The following RAD50 variants were observed in gnomAD, a reference collection of about 807,000 sequenced individuals.
RAD50 encodes DNA repair protein RAD50.
Under a neutral mutation model 168.8 loss-of-function variants are expected in RAD50, and 132 were observed. The observed-to-expected ratio is 0.78, with a 90% CI of 0.68 to 0.90. RAD50 has a LOEUF of 0.90. Among genes scored for constraint, RAD50 ranks in the 40% least tolerant of loss-of-function variants. The pLI, the probability that RAD50 is intolerant of heterozygous loss-of-function variation, is 0.00. For synonymous variants in RAD50, 525 were observed against 497.4 expected (o/e 1.06, Z -0.74); for missense variants, 1,347 against 1,534.4 (o/e 0.88, Z 2.04).
chr5:132,575,320 G>T (rs571183704), intron 2 of RAD50, among the ~76,000 whole-genome samples: 1 of 152,250 alleles, frequency 6.6e-6, no homozygotes, highest in East Asian at 1.9e-4. Flanking sequence ...ATCAGGTCTC[G>T]TGAGACTTAC....
Position 132,628,806 on chromosome 5 carries a change from C to T in RAD50, c.3390-8309C>T, listed in dbSNP as rs551158151. 4.0e-5 allele frequency among the ~76,000 whole-genome samples: 6 copies of T among 151,474 alleles called. No homozygotes were observed. In the South Asian group the frequency reaches 1.3e-3, roughly 32 times the overall value. ...AGGTTGCAGTGAGCCAAGATCGTGC[C>T]ATTGTACTCCAGCCTGGGCAACAAG... On this transcript the variant is annotated intron_variant, in intron 21 of 24. Coordinates refer to ENST00000378823, the MANE Select transcript of RAD50 (RefSeq NM_005732.4).
chr5:132,640,722 C>G lies in RAD50; in HGVS notation c.3669C>G (p.Leu1223=), dbSNP rs200496768. 5 of 1,614,212 alleles carry G rather than the reference C, an allele frequency of 3.1e-6. No individual in the cohort carries two copies. Among genetic ancestry groups the G allele is most frequent in the Non-Finnish European group, 4.2e-6 (5 of 1,180,034 alleles). ...IRLALAETFC[L]NCGIIALDEP... ...TGGCCCTGGCTGAAACGTTCTGCCT[C>G]AACTGTGGCATCATTGCCTTGGATG... Residue 1223 remains leucine (L), a synonymous_variant, in exon 24 of 25, where the codon CTC becomes CTG. Transcript: ENST00000378823.
At chr5:132,571,514 T>C (rs1210303126) in intron 2 of RAD50, among the ~76,000 whole-genome samples, 1 of 152,038 alleles carries the variant, frequency 6.6e-6, no homozygotes, top group Non-Finnish European at 1.5e-5. Context: ...TATCAAGAGA[T>C]TGAAGTTAGT....
At chr5:132,592,289 G>T (rs1044869323) in intron 11 of RAD50, among the ~76,000 whole-genome samples, 2 of 152,192 alleles carry the variant, frequency 1.3e-5, no homozygotes, top group African/African-American at 4.8e-5. Context: ...ATTTAGTTCA[G>T]TCCTAAAGAA....
At chr5:132,561,513 G>T (rs535412512) in intron 2 of RAD50, among the ~76,000 whole-genome samples, 1 of 152,218 alleles carries the variant, frequency 6.6e-6, no homozygotes, top group Admixed American at 6.5e-5. Flanking sequence ...CTAAAAGCCA[G>T]TGTGACACAA....
In RAD50 at chr5:132,595,688, A is replaced by G. The variant is rs876658675; in HGVS notation, c.2085A>G (p.Gln695=). 1.9e-6 allele frequency: 3 copies of G among 1,613,908 alleles called. No homozygotes were observed. The highest frequency in any genetic ancestry group is 2.5e-6 in the Non-Finnish European group (3 of 1,179,762). ...TTTTTCAGACAGAGGCTGAGTTACA[A>G]GAAGTCATCAGTGATTTGCAGTCTA... ...QRVFQTEAEL[Q]EVISDLQSKL... The change falls in exon 13 of 25, where the codon CAA becomes CAG. Residue 695 remains glutamine (Q), a synonymous_variant. Coordinates refer to ENST00000378823, the MANE Select transcript of RAD50 (RefSeq NM_005732.4).
In RAD50 at chr5:132,587,768, A is replaced by C. The variant is rs370489398; in HGVS notation, c.885+78A>C. On this transcript the variant is annotated intron_variant, in intron 6 of 24. Transcript: ENST00000378823. ...GAACTTTATTTGAATCCATTTTGCC[A>C]TCCACATTGGAAAAAAACAAATACA... The C allele has an allele frequency of 1.2e-5, 19 of 1,596,096 alleles. No homozygotes were observed. The East Asian group carries it at 1.6e-4, about 13-fold the overall frequency.
chr5:132,557,639 G>A (rs760006115), intron 1 of RAD50, among the ~76,000 whole-genome samples, 186 bp downstream of exon 1: 1 of 152,172 alleles, frequency 6.6e-6, no homozygotes, highest in Admixed American at 6.5e-5. Context: ...AAGCAGTCTC[G>A]GAAGGATGTC....
At chr5:132,622,249 C>A (rs999377744) in intron 21 of RAD50, among the ~76,000 whole-genome samples, 2 of 152,060 alleles carry the variant, frequency 1.3e-5, no homozygotes, top group African/African-American at 4.8e-5. Flanking sequence ...CAGCCTCCAC[C>A]TCCTGAGTTC....
chr5:132,577,643 C>CTCCTTTTTTTTGCTCTGTATT lies in RAD50; in HGVS notation c.366-1672_366-1652dup, dbSNP rs1275941179. On this transcript the variant is annotated intron_variant, in intron 3 of 24. Transcript: ENST00000378823. ...CTCATTAGGCTCAGTCCTGTATCTT[C>CTCCTTTTTTTTGCTCTGTATT]TCCTTTTTTTTGCTCTGTATTTTCT... 2.0e-5 allele frequency among the ~76,000 whole-genome samples: 3 copies of CTCCTTTTTTTTGCTCTGTATT among 152,184 alleles called. No homozygotes were observed. In the East Asian group the frequency reaches 5.8e-4, roughly 29 times the overall value.
chr5:132,645,655 A>G lies in RAD50; in HGVS notation c.*3291A>G, dbSNP rs1011543979. The G allele has an allele frequency of 6.6e-6, 1 of 152,222 alleles. No individual in the cohort carries two copies. The highest frequency in any genetic ancestry group is 1.9e-4 in the East Asian group (1 of 5,196). The allele number at this position is 152,222 out of a possible 1,614,324, so 9.4% of individuals were successfully genotyped here. A position where few individuals can be genotyped will look rare whatever the true frequency, so the allele number is the denominator to read the frequency against. On this transcript the variant is annotated 3_prime_UTR_variant, in exon 25 of 25. Coordinates refer to ENST00000378823, the MANE Select transcript of RAD50 (RefSeq NM_005732.4). ...ATGAAAGAGAAAGCAGCCAATGAAA[A>G]GTTTACTATTAAGCCAGCTACGGTA... is the stretch of plus-strand genomic sequence containing the variant.
At position 132,557,381 on chromosome 5, in the gene RAD50, C is replaced by T. The variant is rs1388089645; in HGVS notation, c.57C>T (p.Asp19=). The change falls in exon 1 of 25, where the codon GAC becomes GAT. Residue 19 remains aspartate, a synonymous_variant. Coordinates refer to ENST00000378823, the MANE Select transcript of RAD50 (RefSeq NM_005732.4). ...GCGTGCGGAGTTTTGGAATAGAGGA[C>T]AAAGATAAGCAAATTATCACTTTCT... The part of the protein sequence containing the change: ...ILGVRSFGIE[D]KDKQIITFFS... 1.2e-6 allele frequency: 2 copies of T among 1,613,974 alleles called. No individual in the cohort carries two copies. Among genetic ancestry groups the T allele is most frequent in the South Asian group, 2.2e-5 (2 of 91,084 alleles).
chr5:132,591,527 G>T, intron 10 of RAD50, 121 bp downstream of exon 10: 2 of 977,248 alleles, frequency 2.0e-6, no homozygotes, highest in Non-Finnish European at 3.2e-6. Flanking sequence ...GAGGCTAAGT[G>T]AGCTTAGTAC....
At chr5:132,639,308 G>A (rs928360314) in intron 23 of RAD50, among the ~76,000 whole-genome samples, 14 of 145,184 alleles carry the variant, frequency 9.6e-5, no homozygotes, top group South Asian at 8.6e-4. Context: ...AGCCGAGATC[G>A]TGCCATTGCA....
Position 132,595,691 on chromosome 5 carries a change from A to G in RAD50, c.2088A>G (p.Glu696=). ...RVFQTEAELQ[E]VISDLQSKLR... ...TTCAGACAGAGGCTGAGTTACAAGA[A>G]GTCATCAGTGATTTGCAGTCTAAAC... Residue 696 remains glutamate, a synonymous_variant, in exon 13 of 25, where the codon GAA becomes GAG. Transcript: ENST00000378823. 6.2e-7 allele frequency: 1 copy of G among 1,613,948 alleles called. No individual in the cohort carries two copies. The highest frequency in any genetic ancestry group is 8.5e-7 in the Non-Finnish European group (1 of 1,179,790).
At chr5:132,589,555 A>G (rs1003396533) in intron 8 of RAD50, 76 bp from the exon 9 acceptor site, 10 of 1,164,698 alleles carry the variant, frequency 8.6e-6, no homozygotes, top group African/African-American at 3.1e-5. Flanking sequence ...TTCAGTGTAC[A>G]TATATTCCTT....
intron 20 of RAD50, among the ~76,000 whole-genome samples, chr5:132,617,696 A>G (rs1423815168): frequency 6.6e-6 from 1 of 152,212 alleles, no homozygotes; most frequent in Admixed American, 6.5e-5. Flanking sequence ...CCTGTTATCC[A>G]TAACTTCTTA....
rs1171199625 is a variant in RAD50, at chr5:132,609,265, G to C, written c.2923-18G>C. 6.2e-7 allele frequency: 1 copy of C among 1,607,280 alleles called. No individual in the cohort carries two copies. Among genetic ancestry groups the C allele is most frequent in the Non-Finnish European group, 8.5e-7 (1 of 1,178,568 alleles). ...TTGTATTTTTATTCATGTGCTTAAAGAATTTTCTTTTTTGTAGCAAAAAGA... is the reference window on the plus strand; with the variant it reads ...TTGTATTTTTATTCATGTGCTTAAACAATTTTCTTTTTTGTAGCAAAAAGA... On this transcript the variant is annotated intron_variant, in intron 18 of 24. Transcript: ENST00000378823.
rs1417637297 is a variant in RAD50 at position 132,645,682 on chromosome 5, GT to G, written c.*3319del. On this transcript the variant is annotated 3_prime_UTR_variant, in exon 25 of 25. Coordinates refer to ENST00000378823, the MANE Select transcript of RAD50 (RefSeq NM_005732.4). ...TTTACTATTAAGCCAGCTACGGTAA[GT>G]GGGCAATTAGAGTTTGGTGCCCCAG... The G allele has an allele frequency of 3.9e-5, 6 of 152,220 alleles. No individual in the cohort carries two copies. Among genetic ancestry groups the G allele is most frequent in the Non-Finnish European group, 8.8e-5 (6 of 68,048 alleles). 9.4% of individuals were successfully genotyped at this position (152,220 alleles called of 1,614,324 possible). A position where few individuals can be genotyped will look rare whatever the true frequency, so the allele number is the denominator to read the frequency against.
Sources: allele counts gnomAD v4.1 joint callset (sites outside exome capture counted in the v4.1 genomes callset), GRCh38; gene constraint gnomAD v4.1.1; transcripts MANE v1.5; gene names NCBI Gene and HGNC (gene_info 2026-07-23, HGNC 2026-07-21).